Variants in PAPPA observed in about 807,000 individuals in gnomAD.
PAPPA encodes pappalysin 1, also known as pappalysin-1.
In PAPPA, 60 loss-of-function variants were observed where a neutral mutation model predicts 164.0. The ratio of observed to expected loss-of-function variants is 0.37; its 90% CI spans 0.30 to 0.45. The LOEUF is 0.45. Ranked by LOEUF, PAPPA falls within the 20% of genes least tolerant of loss-of-function variation. The pLI, the probability that PAPPA is intolerant of heterozygous loss-of-function variation, is 1.00. For missense variants in PAPPA, 1,782 were observed against 2,087.3 expected (o/e 0.85, Z 2.85); for synonymous variants, 875 against 814.1 (o/e 1.07, Z -1.27).
intron 15 of PAPPA, among the ~76,000 whole-genome samples, chr9:116,352,468 C>T (rs1251653575): frequency 1.3e-5 from 2 of 152,136 alleles, no homozygotes; most frequent in African/African-American, 4.8e-5. Context: ...AAGTCAGAAG[C>T]CTTGGATTTT....
chr9:116,251,668 C>T (rs776317002), intron 7 of PAPPA, among the ~76,000 whole-genome samples: 1 of 152,230 alleles, frequency 6.6e-6, no homozygotes, highest in Non-Finnish European at 1.5e-5. Context: ...TCCTTGGTGA[C>T]TGGTCAGCTT....
chr9:116,205,437 G>T (rs1433509126), intron 2 of PAPPA, among the ~76,000 whole-genome samples: 3 of 152,158 alleles, frequency 2.0e-5, no homozygotes, highest in African/African-American at 2.4e-5. Flanking sequence ...ACATTTGATG[G>T]AAATGAACAA....
chr9:116,381,424 C>T (rs1846729882), intron 20 of PAPPA, among the ~76,000 whole-genome samples: 1 of 152,206 alleles, frequency 6.6e-6, no homozygotes, highest in South Asian at 2.1e-4. Flanking sequence ...CTTGCACCAG[C>T]TACAGAAACA....
In PAPPA at chr9:116,300,742, C is replaced by T. The variant is rs1267714993; in HGVS notation, c.2954-2015C>T. On this transcript the variant is annotated intron_variant, in intron 9 of 21. Transcript: ENST00000328252. ...CTGTCTTGTTTCTCCTTGGCAGGGG[C>T]TCTTTCTAGCTAGGGGAAAGTTGCT... Among the ~76,000 whole-genome samples, 3 of 152,152 alleles carry T rather than the reference C, an allele frequency of 2.0e-5. No individual in the cohort carries two copies. In the East Asian group the frequency reaches 5.8e-4, roughly 29 times the overall value.
chr9:116,187,080 T>TA lies in PAPPA; in HGVS notation c.416-73dup. The TA allele has an allele frequency of 9.4e-7, 1 of 1,068,882 alleles. No homozygotes were observed. The highest frequency in any genetic ancestry group is 1.5e-5 in the South Asian group (1 of 67,272). 66.2% of individuals were successfully genotyped at this position (1,068,882 alleles called of 1,614,324 possible). ...TAGGATAACCTGATACAAATTTTATTAGAGAAAAATAACTTAACCCCCCCT... is the reference window on the plus strand; with the variant it reads ...TAGGATAACCTGATACAAATTTTATTAAGAGAAAAATAACTTAACCCCCCCT... On this transcript the variant is annotated intron_variant, in intron 1 of 21. Transcript: ENST00000328252. The surrounding 1 kb of genome is among the most constrained non-coding windows in gnomAD (Gnocchi z 4.2).
At position 116,220,054 on chromosome 9, in the gene PAPPA, C is replaced by T; in HGVS notation, c.2036C>T (p.Pro679Leu). ...SRKPAPVALA[P>L]QVLGHTTDSV... Reference sequence around the variant, plus strand: ...AAACCAGCGCCTGTTGCCCTCGCCCCCCAAGTTCTGGGCCACACAACGGAC... The same window carrying T: ...AAACCAGCGCCTGTTGCCCTCGCCCTCCAAGTTCTGGGCCACACAACGGAC... The change falls in exon 5 of 22, where the codon CCC (proline) becomes CTC (leucine). Residue 679 changes from proline to leucine, a missense_variant. By Grantham distance (98) the Pro-to-Leu change is moderately conservative (BLOSUM62 -3). This residue lies in a region of PAPPA where 1,324 missense variants were observed against 1,656.9 expected (regional missense o/e 0.80). Transcript: ENST00000328252. 6.2e-7 allele frequency: 1 copy of T among 1,614,170 alleles called. No homozygotes were observed. Among genetic ancestry groups the T allele is most frequent in the Non-Finnish European group, 8.5e-7 (1 of 1,180,034 alleles).
chr9:116,377,623 G>C lies in PAPPA; in HGVS notation c.4653G>C (p.Leu1551=), dbSNP rs147674907. 3.1e-6 allele frequency: 5 copies of C among 1,613,786 alleles called. No homozygotes were observed. The highest frequency in any genetic ancestry group is 1.7e-4 in the Middle Eastern group (1 of 6,060). The change falls in exon 20 of 22, where the codon CTG becomes CTC. Residue 1551 remains leucine, a synonymous_variant. Transcript: ENST00000328252. The part of the protein sequence containing the change: ...AGLKWYPHPA[L]IHCVKGCEPF... ...TCAAGTGGTATCCTCACCCTGCTCT[G>C]ATTCACTGTGTCAAAGGCTGTGAGG...
chr9:116,326,274 T>C (rs916884911), intron 10 of PAPPA, among the ~76,000 whole-genome samples: 1 of 152,160 alleles, frequency 6.6e-6, no homozygotes, highest in African/African-American at 2.4e-5. Context: ...TTATTTTATG[T>C]AAAAAATATT....
intron 21 of PAPPA, among the ~76,000 whole-genome samples, chr9:116,394,465 A>G (rs1008418761): frequency 3.9e-5 from 6 of 152,202 alleles, no homozygotes; most frequent in African/African-American, 1.4e-4. Context: ...CAAGGATCCC[A>G]ACCCAAACCT....
Position 116,235,604 on chromosome 9 carries a change from C to T in PAPPA, c.2699C>T (p.Ser900Phe), listed in dbSNP as rs772880175. ...RDPPLQMDVASILHLNRKFVD... is the reference protein window; with the variant it reads ...RDPPLQMDVAFILHLNRKFVD... ...CCTCCTCTCCAGATGGATGTGGCCT[C>T]CATCCTACATCTCAATAGGAAATTC... Residue 900 changes from serine (S) to phenylalanine (F), a missense_variant, in exon 7 of 22, where the codon TCC (serine) becomes TTC (phenylalanine). Physicochemically the swap from Ser to Phe is radical, Grantham distance 155. This residue lies in a region of PAPPA where 1,324 missense variants were observed against 1,656.9 expected (regional missense o/e 0.80). Coordinates refer to ENST00000328252, the MANE Select transcript of PAPPA (RefSeq NM_002581.5). 6.2e-7 allele frequency: 1 copy of T among 1,613,276 alleles called. No individual in the cohort carries two copies. Among genetic ancestry groups the T allele is most frequent in the South Asian group, 1.1e-5 (1 of 91,022 alleles).
Position 116,368,562 on chromosome 9 carries a change from G to A in PAPPA, c.4605+808G>A, listed in dbSNP as rs116002245. 5.1e-3 allele frequency among the ~76,000 whole-genome samples: 771 copies of A among 152,294 alleles called. 9 individuals carry two copies. Among genetic ancestry groups the A allele is most frequent in the African/African-American group, 0.018 (738 of 41,576 alleles). Reference sequence around the variant, plus strand: ...ACTTCAAGGTTGGCTGTTCCCACTCGCCTTTGTGTCACCCAATCAACTGGG... The same window carrying A: ...ACTTCAAGGTTGGCTGTTCCCACTCACCTTTGTGTCACCCAATCAACTGGG... On this transcript the variant is annotated intron_variant, in intron 19 of 21. Transcript: ENST00000328252.
rs747491225 is a variant in PAPPA at position 116,344,513 on chromosome 9, CCTT to C, written c.3612-25_3612-23del. 201 of 1,599,384 alleles carry C rather than the reference CCTT, an allele frequency of 1.3e-4. 1 individual carries two copies. In the Middle Eastern group the frequency reaches 1.5e-3, roughly 12 times the overall value. ...AGCATAGCTGTCCTGTGAGGAGACTCCTTCTTCCCCTCGTTTCTTTCCTCCCCA... is the reference window on the plus strand; with the variant it reads ...AGCATAGCTGTCCTGTGAGGAGACTCCTTCCCCTCGTTTCTTTCCTCCCCA... On this transcript the variant is annotated intron_variant, in intron 13 of 21. Coordinates refer to ENST00000328252, the MANE Select transcript of PAPPA (RefSeq NM_002581.5).
chr9:116,381,680 C>T (rs1846733483), intron 20 of PAPPA, among the ~76,000 whole-genome samples: 1 of 152,210 alleles, frequency 6.6e-6, no homozygotes, highest in East Asian at 1.9e-4. Context: ...ATAGAGCCAA[C>T]TTAGATTTAA....
rs146137091 is a variant in PAPPA at position 116,366,635 on chromosome 9, C to T, written c.4496-1010C>T. Among the ~76,000 whole-genome samples, 270 of 152,258 alleles carry T rather than the reference C, an allele frequency of 1.8e-3. 2 individuals are homozygous for T. Among genetic ancestry groups the T allele is most frequent in the African/African-American group, 6.2e-3 (256 of 41,544 alleles). ...CATTTTACAAATACTTATTGGGTGC[C>T]TATAATCTGCCATGCACAGTGCCAA... On this transcript the variant is annotated intron_variant, in intron 18 of 21. Coordinates refer to ENST00000328252, the MANE Select transcript of PAPPA (RefSeq NM_002581.5).
chr9:116,319,767 C>T (rs895449080), intron 10 of PAPPA, among the ~76,000 whole-genome samples: 1 of 152,136 alleles, frequency 6.6e-6, no homozygotes, highest in African/African-American at 2.4e-5. Context: ...GGCCTTGGCA[C>T]CTTATTTATT....
chr9:116,216,572 G>T (rs1448508944), intron 4 of PAPPA, among the ~76,000 whole-genome samples: 1 of 152,150 alleles, frequency 6.6e-6, no homozygotes, highest in Non-Finnish European at 1.5e-5. Flanking sequence ...CAGATATCAA[G>T]AGGGGAGGCA....
intron 7 of PAPPA, among the ~76,000 whole-genome samples, chr9:116,256,851 T>C (rs565117273): frequency 4.0e-5 from 6 of 151,784 alleles, no homozygotes; most frequent in African/African-American, 9.7e-5. Context: ...TTTGAGCTGA[T>C]AAAAATGTAT....
At chr9:116,335,162 A>C (rs568805044) in intron 13 of PAPPA, 88 bp downstream of exon 13, 1 of 1,101,762 alleles carries the variant, frequency 9.1e-7, no homozygotes, top group Admixed American at 1.8e-5. Context: ...ATTTGTGTGG[A>C]TGTAAAAAGT....
At chr9:116,380,070 CT>C (rs1846707920) in intron 20 of PAPPA, among the ~76,000 whole-genome samples, 1 of 152,182 alleles carries the variant, frequency 6.6e-6, no homozygotes, top group African/African-American at 2.4e-5. Context: ...AATCTTTCTA[CT>C]TTTTAATAGC....
Sources: gnomAD v4.1 joint callset for allele counts (sites outside exome capture counted in the v4.1 genomes callset) on GRCh38, gnomAD v4.1.1 for gene constraint, gnomAD v4.1.1 regional missense constraint, Gnocchi (gnomAD v3.1) non-coding constraint, MANE v1.5 for transcripts, NCBI Gene and HGNC (gene_info 2026-07-23, HGNC 2026-07-21) for gene names.